Variants in RASSF8 observed in about 807,000 individuals in gnomAD.
RASSF8 encodes Ras association domain family member 8, also known as ras association domain-containing protein 8.
In RASSF8, 22 loss-of-function variants were observed where a neutral mutation model predicts 48.5. The observed-to-expected ratio is 0.45, with a 90% confidence interval of 0.32 to 0.65. RASSF8 has a LOEUF of 0.65. RASSF8 is among the 30% of genes least tolerant of loss of function. RASSF8 has a pLI of 0.03. For synonymous variants in RASSF8, 127 were observed against 171.5 expected (o/e 0.74, Z 2.03); for missense variants, 418 against 489.2 (o/e 0.85, Z 1.37).
At chr12:26,050,326 G>T (rs1943464958) in intron 2 of RASSF8, among the ~76,000 whole-genome samples, 1 of 151,952 alleles carries the variant, frequency 6.6e-6, no homozygotes, top group Non-Finnish European at 1.5e-5. Context: ...CTATTGATTT[G>T]TCCTTCCATA....
intron 2 of RASSF8, among the ~76,000 whole-genome samples, chr12:26,018,462 A>C (rs1942705391): frequency 6.6e-6 from 1 of 152,214 alleles, no homozygotes; most frequent in South Asian, 2.1e-4. Context: ...TAAAAAAACT[A>C]AACTAAAAAT....
chr12:26,036,630 G>A (rs1363458404), intron 2 of RASSF8, among the ~76,000 whole-genome samples: 8 of 151,980 alleles, frequency 5.3e-5, no homozygotes, highest in Non-Finnish European at 1.0e-4. Context: ...ATGTCTGGTC[G>A]AGCGCAGTGG....
intron 1 of RASSF8, among the ~76,000 whole-genome samples, chr12:25,989,735 AT>A (rs1182224595): frequency 6.6e-6 from 1 of 152,198 alleles, no homozygotes; most frequent in African/African-American, 2.4e-5. Context: ...ACAAGGATGC[AT>A]TTCAATTCCT....
chr12:26,063,127 AAAAG>A (rs1943781797), intron 3 of RASSF8, among the ~76,000 whole-genome samples: 1 of 152,228 alleles, frequency 6.6e-6, no homozygotes, highest in African/African-American at 2.4e-5. Flanking sequence ...TGAAATTTAA[AAAAG>A]AAAGCCAGGA....
chr12:26,060,448 C>G (rs1943717554), intron 3 of RASSF8, among the ~76,000 whole-genome samples: 1 of 152,102 alleles, frequency 6.6e-6, no homozygotes. Context: ...AAAAAAATAA[C>G]TAAATGTCAT....
intron 2 of RASSF8, among the ~76,000 whole-genome samples, chr12:26,004,344 G>A (rs73077161): frequency 0.12 from 18,805 of 152,184 alleles, 1,548 homozygotes; most frequent in Admixed American, 0.19. Context: ...GCTTCCTGGA[G>A]GTGTGGGGCT....
At chr12:26,030,152 T>G (rs1254283071) in intron 2 of RASSF8, among the ~76,000 whole-genome samples, 1 of 152,230 alleles carries the variant, frequency 6.6e-6, no homozygotes, top group African/African-American at 2.4e-5. Context: ...TTTTCTAGTA[T>G]ATAATTGATA....
chr12:25,969,604 G>T (rs928850643), intron 1 of RASSF8, among the ~76,000 whole-genome samples: 2 of 152,112 alleles, frequency 1.3e-5, no homozygotes, highest in Non-Finnish European at 2.9e-5. Context: ...GTGGAGGTGG[G>T]GAAGTGAGGA....
At chr12:26,038,852 C>T (rs1469934523) in intron 2 of RASSF8, among the ~76,000 whole-genome samples, 1 of 152,230 alleles carries the variant, frequency 6.6e-6, no homozygotes, top group African/African-American at 2.4e-5. Flanking sequence ...TCCTTCCTAT[C>T]ATTCAGGTCT....
chr12:26,010,839 C>T (rs778937231), intron 2 of RASSF8, among the ~76,000 whole-genome samples: 1 of 151,426 alleles, frequency 6.6e-6, no homozygotes, highest in South Asian at 2.1e-4. Flanking sequence ...AAGATGCAGG[C>T]GAGGGGGACC....
intron 1 of RASSF8, among the ~76,000 whole-genome samples, chr12:25,960,532 A>G (rs1038103054): frequency 2.6e-5 from 4 of 152,228 alleles, no homozygotes; most frequent in African/African-American, 7.2e-5. Context: ...TCCCCAAACC[A>G]TAAAATTACA....
chr12:26,062,088 T>C lies in RASSF8; in HGVS notation c.104-2410T>C, dbSNP rs937332570. 1.0e-3 allele frequency among the ~76,000 whole-genome samples: 158 copies of C among 152,310 alleles called. 1 individual carries two copies. Among genetic ancestry groups the C allele is most frequent in the African/African-American group, 3.8e-3 (157 of 41,586 alleles). The stretch of plus-strand genomic sequence containing the variant: ...CGGTTTTCCTTCTAAAGATACTTCA[T>C]TGGGCTGATAGAATTGGAAAGAACT... On this transcript the variant is annotated intron_variant, in intron 3 of 5. Transcript: ENST00000689635.
rs1941150844 is a variant in RASSF8, at chr12:25,958,889, G to A, written c.-462G>A. On this transcript the variant is annotated 5_prime_UTR_variant, in exon 1 of 6. Transcript: ENST00000689635. ...GCGGCGTCTCTGCCGCTGGCCGAGC[G>A]CTCGCGCACCGCGGCACCCCCGCCA... 1 of 147,042 alleles carries A rather than the reference G, an allele frequency of 6.8e-6. No homozygotes were observed. The highest frequency in any genetic ancestry group is 1.5e-5 in the Non-Finnish European group (1 of 65,982). The allele number at this position is 147,042 out of a possible 1,614,324, so 9.1% of individuals were successfully genotyped here.
At chr12:26,044,267 A>G (rs534859227) in intron 2 of RASSF8, among the ~76,000 whole-genome samples, 4 of 152,096 alleles carry the variant, frequency 2.6e-5, no homozygotes, top group Admixed American at 6.5e-5. Flanking sequence ...TCCACAAGCA[A>G]TCTCTGCCAG....
intron 1 of RASSF8, among the ~76,000 whole-genome samples, chr12:25,968,436 G>A (rs894072954): frequency 6.6e-5 from 10 of 152,060 alleles, no homozygotes; most frequent in African/African-American, 2.2e-4. Context: ...CCCGCCTCCC[G>A]GGCTCAACCA....
At chr12:26,047,922 G>A (rs1274366188) in intron 2 of RASSF8, among the ~76,000 whole-genome samples, 1 of 152,246 alleles carries the variant, frequency 6.6e-6, no homozygotes, top group African/African-American at 2.4e-5. Flanking sequence ...AGAGAGAAAG[G>A]GAGCTGGCAA....
chr12:26,012,407 A>AT (rs1942548035), intron 2 of RASSF8, among the ~76,000 whole-genome samples: 2 of 152,180 alleles, frequency 1.3e-5, no homozygotes, highest in African/African-American at 4.8e-5. Flanking sequence ...GGCAATGAAT[A>AT]TTTGAGTATT....
downstream of RASSF8, among the ~76,000 whole-genome samples, chr12:26,077,523 C>A (rs1223474913): frequency 6.6e-6 from 1 of 152,126 alleles, no homozygotes; most frequent in Non-Finnish European, 1.5e-5. Flanking sequence ...ATAGGGAATC[C>A]TTTCCCCATT....
intron 1 of RASSF8, among the ~76,000 whole-genome samples, chr12:25,975,334 C>T (rs1351768645): frequency 6.6e-6 from 1 of 152,150 alleles, no homozygotes; most frequent in Non-Finnish European, 1.5e-5. Context: ...ACCCACCCCA[C>T]CAGGGTAAAG....
Sources: gnomAD v4.1 joint callset for allele counts (sites outside exome capture counted in the v4.1 genomes callset) on GRCh38, gnomAD v4.1.1 for gene constraint, MANE v1.5 for transcripts, NCBI Gene and HGNC (gene_info 2026-07-23, HGNC 2026-07-21) for gene names.